Variants in FRMD4A observed in about 807,000 individuals in gnomAD.
The protein encoded by FRMD4A is FERM domain containing 4A, also known as FERM domain-containing protein 4A.
FRMD4A carries 29 observed loss-of-function variants against 129.1 expected under a neutral mutation model. The ratio of observed to expected loss-of-function variants is 0.22; its 90% CI spans 0.17 to 0.31. The LOEUF is 0.31. FRMD4A is among the 10% of genes least tolerant of loss of function. The pLI, the probability that FRMD4A is intolerant of heterozygous loss-of-function variation, is 1.00. For synonymous variants in FRMD4A, 634 were observed against 571.6 expected, an observed-to-expected ratio of 1.11 and a Z score of -1.56; for missense variants, 1,272 against 1,375.8, an observed-to-expected ratio of 0.92 and a Z score of 1.19.
chr10:13,997,217 T>C (rs376851239), intron 2 of FRMD4A, among the ~76,000 whole-genome samples: 29 of 152,114 alleles, frequency 1.9e-4, no homozygotes, highest in African/African-American at 4.1e-4. Flanking sequence ...TTTTCTGACA[T>C]AGTGGCTGAA....
intron 2 of FRMD4A, among the ~76,000 whole-genome samples, chr10:13,979,733 G>C (rs558565255): frequency 8.5e-5 from 13 of 152,246 alleles, no homozygotes; most frequent in African/African-American, 2.9e-4. Context: ...TCTTCCTAAA[G>C]TAGCAGTCTT....
intron 3 of FRMD4A, among the ~76,000 whole-genome samples, chr10:13,849,909 C>T (rs542248947): frequency 9.2e-5 from 14 of 151,858 alleles, no homozygotes; most frequent in Non-Finnish European, 1.9e-4. Context: ...GTGGCTCATA[C>T]CTGTAATCCC....
At chr10:14,037,873 T>C (rs917171829) in intron 2 of FRMD4A, among the ~76,000 whole-genome samples, 1 of 152,192 alleles carries the variant, frequency 6.6e-6, no homozygotes, top group African/African-American at 2.4e-5. Context: ...AAATGCTGTT[T>C]CACAAAATTT....
chr10:14,047,549 A>T (rs1834040999), intron 2 of FRMD4A, among the ~76,000 whole-genome samples: 1 of 152,180 alleles, frequency 6.6e-6, no homozygotes, highest in African/African-American at 2.4e-5. Context: ...TTATCAGCTG[A>T]TGGGGAAGAT....
chr10:13,768,718 C>A (rs1017871036), intron 6 of FRMD4A, among the ~76,000 whole-genome samples: 2 of 152,250 alleles, frequency 1.3e-5, no homozygotes, highest in African/African-American at 4.8e-5. Context: ...CTGGTCTTAA[C>A]CCCCCAATGC....
chr10:13,671,551 A>G (rs1000678695), intron 16 of FRMD4A, among the ~76,000 whole-genome samples: 2 of 152,214 alleles, frequency 1.3e-5, no homozygotes, highest in Non-Finnish European at 2.9e-5. Context: ...TGGGCCCCGG[A>G]AATCTACTTG....
At chr10:14,232,523 G>T (rs1564404629) in intron 2 of FRMD4A, among the ~76,000 whole-genome samples, 1 of 144,078 alleles carries the variant, frequency 6.9e-6, no homozygotes, top group Non-Finnish European at 1.6e-5. Context: ...GCTTTGGGTA[G>T]TATGGACAGG....
chr10:14,095,449 T>C (rs1274732622), intron 2 of FRMD4A, among the ~76,000 whole-genome samples: 2 of 152,226 alleles, frequency 1.3e-5, no homozygotes, highest in Non-Finnish European at 2.9e-5. Context: ...TAATTTACAG[T>C]TGTCGATTGA....
intron 2 of FRMD4A, among the ~76,000 whole-genome samples, chr10:14,065,196 T>C (rs1350092230): frequency 2.0e-5 from 3 of 152,072 alleles, no homozygotes; most frequent in African/African-American, 7.2e-5. Context: ...TCCTTCTTTT[T>C]TGAGAGATGG....
At chr10:13,792,206 C>T (rs1370472365) in intron 5 of FRMD4A, among the ~76,000 whole-genome samples, 1 of 152,176 alleles carries the variant, frequency 6.6e-6, no homozygotes, top group Non-Finnish European at 1.5e-5. Context: ...GTGGTGTGCA[C>T]TTGTCCTGAA....
At chr10:13,801,003 C>A (rs963560561) in intron 4 of FRMD4A, among the ~76,000 whole-genome samples, 1 of 152,234 alleles carries the variant, frequency 6.6e-6, no homozygotes, top group Non-Finnish European at 1.5e-5. Flanking sequence ...AATCCCAGCA[C>A]TTTGGGAGGC....
chr10:13,860,511 T>A (rs2094279814), intron 2 of FRMD4A, among the ~76,000 whole-genome samples: 1 of 152,164 alleles, frequency 6.6e-6, no homozygotes, highest in Non-Finnish European at 1.5e-5. Context: ...AGGAAATCCT[T>A]TAGAGAACTC....
chr10:14,184,661 C>A (rs1246353788), intron 2 of FRMD4A, among the ~76,000 whole-genome samples: 1 of 152,120 alleles, frequency 6.6e-6, no homozygotes. Flanking sequence ...ACGTCCAGGC[C>A]GGGCAGAGCA....
intron 2 of FRMD4A, among the ~76,000 whole-genome samples, chr10:14,124,497 G>A (rs1458837803): frequency 1.3e-5 from 2 of 152,152 alleles, no homozygotes; most frequent in Admixed American, 6.6e-5. Context: ...CCAATATGGT[G>A]AAACCTCATC....
rs745506001 is a variant in FRMD4A, at chr10:13,657,505, G to T, written c.2084C>A (p.Pro695His). ...VHSTRSVDIS[P>H]TRLHSLALHF... Reference sequence around the variant, plus strand: ...CAGTGCGAGGCTGTGCAGTCGGGTGGGGCTGATGTCCACCGACCTGCCGGG... The same window carrying T: ...CAGTGCGAGGCTGTGCAGTCGGGTGTGGCTGATGTCCACCGACCTGCCGGG... The change falls in exon 22 of 25, where the codon CCC (proline) becomes CAC (histidine). Residue 695 changes from proline to histidine, a missense_variant. By Grantham distance (77) the Pro-to-His change is moderately conservative (BLOSUM62 -2). Transcript: ENST00000357447. The T allele has an allele frequency of 6.3e-7, 1 of 1,596,746 alleles. No homozygotes were observed. The highest frequency in any genetic ancestry group is 8.5e-7 in the Non-Finnish European group (1 of 1,173,588).
At chr10:14,290,503 T>A (rs984455647) in intron 2 of FRMD4A, among the ~76,000 whole-genome samples, 9 of 152,102 alleles carry the variant, frequency 5.9e-5, no homozygotes, top group African/African-American at 1.9e-4. Context: ...CAATAAATGG[T>A]ATTGTGAAAA....
chr10:13,669,772 TTTTGTTTG>T (rs149570918), intron 17 of FRMD4A, among the ~76,000 whole-genome samples: 4 of 152,152 alleles, frequency 2.6e-5, no homozygotes, highest in African/African-American at 4.8e-5. Flanking sequence ...CAAGTCTTGG[TTTTGTTTG>T]TTTGTTTGTT....
At chr10:14,132,087 A>G (rs1374231691) in intron 2 of FRMD4A, among the ~76,000 whole-genome samples, 3 of 152,156 alleles carry the variant, frequency 2.0e-5, no homozygotes, top group Non-Finnish European at 2.9e-5. Flanking sequence ...GGAGATCAAG[A>G]CCAGCCTGGC....
intron 5 of FRMD4A, among the ~76,000 whole-genome samples, chr10:13,787,151 A>G (rs1321278799): frequency 2.0e-5 from 3 of 152,176 alleles, no homozygotes; most frequent in South Asian, 2.1e-4. Flanking sequence ...GAGAAAAAAA[A>G]TCACCTCCTC....
Sources: allele counts gnomAD v4.1 joint callset (sites outside exome capture counted in the v4.1 genomes callset), GRCh38; gene constraint gnomAD v4.1.1; transcripts MANE v1.5; gene names NCBI Gene and HGNC (gene_info 2026-07-23, HGNC 2026-07-21).